The following SEL1L2 variants were observed in gnomAD, a reference collection of about 807,000 sequenced individuals.
SEL1L2 encodes protein sel-1 homolog 2.
SEL1L2 carries 89 observed loss-of-function variants against 98.8 expected under a neutral mutation model. The observed-to-expected ratio is 0.90, with a 90% CI of 0.76 to 1.07. The LOEUF (loss-of-function observed/expected upper bound fraction) is 1.07, where lower values mean the gene tolerates loss of function less well. Among genes scored for constraint, SEL1L2 ranks in the 50% least tolerant of loss-of-function variants. The pLI is 0.00. For missense variants in SEL1L2, 788 were observed against 812.0 expected (o/e 0.97, Z 0.36); for synonymous variants, 262 against 278.5 (o/e 0.94, Z 0.59).
intron 1 of SEL1L2, among the ~76,000 whole-genome samples, chr20:13,963,111 ACTCT>A (rs1569050285): frequency 7.0e-6 from 1 of 142,904 alleles, no homozygotes; most frequent in African/African-American, 2.5e-5. Context: ...ATAAAAAAAA[ACTCT>A]CTATTATAGT....
chr20:13,964,564 T>C (rs2050951619), intron 1 of SEL1L2, among the ~76,000 whole-genome samples: 1 of 149,460 alleles, frequency 6.7e-6, no homozygotes. Context: ...GCGATTCTCC[T>C]GCCTCAGCCT....
chr20:13,887,788 G>T lies in SEL1L2; in HGVS notation c.726C>A (p.Tyr242Ter). The change falls in exon 8 of 20, where the codon TAC becomes TAA. Residue 242 changes from tyrosine to a stop codon, truncating the protein, a stop_gained. Coordinates refer to ENST00000284951, the MANE Select transcript of SEL1L2 (RefSeq NM_025229.2). LOFTEE classifies it high-confidence loss of function. Reference sequence around the variant, plus strand: ...ACTTACTATAATCTGCCACTTTCTTGTAATAACTTAGGGCAACTTCACAAT... The same window carrying T: ...ACTTACTATAATCTGCCACTTTCTTTTAATAACTTAGGGCAACTTCACAAT... ...LQNCEVALSY[Y>*]KKVADYIADT... The T allele has an allele frequency of 1.9e-6, 3 of 1,610,804 alleles. No individual in the cohort carries two copies. Among genetic ancestry groups the T allele is most frequent in the Non-Finnish European group, 1.7e-6 (2 of 1,177,442 alleles).
chr20:13,880,883 A>G (rs2046669023), intron 10 of SEL1L2, among the ~76,000 whole-genome samples: 3 of 150,368 alleles, frequency 2.0e-5, no homozygotes, highest in Admixed American at 2.0e-4. Context: ...ATTTGGACCC[A>G]TATCTCTCTT....
intron 14 of SEL1L2, among the ~76,000 whole-genome samples, chr20:13,867,669 T>C (rs900078562): frequency 4.0e-5 from 6 of 151,052 alleles, no homozygotes; most frequent in African/African-American, 7.4e-5. Context: ...CCGGTAGATG[T>C]TGAGAGGGTC....
intron 10 of SEL1L2, among the ~76,000 whole-genome samples, chr20:13,878,611 A>G (rs2046547350): frequency 1.3e-5 from 2 of 152,222 alleles, no homozygotes; most frequent in Non-Finnish European, 2.9e-5. Context: ...GTTATTTTAC[A>G]TGGAAGTTTG....
chr20:13,935,661 A>G (rs927795160), intron 2 of SEL1L2, among the ~76,000 whole-genome samples: 2 of 152,104 alleles, frequency 1.3e-5, no homozygotes, highest in African/African-American at 4.8e-5. Context: ...TGAGGCAGAG[A>G]GGCAGCGCTG....
intron 18 of SEL1L2, 66 bp downstream of exon 18, chr20:13,859,196 A>G (rs1247242727): frequency 5.5e-6 from 8 of 1,458,228 alleles, no homozygotes; most frequent in Non-Finnish European, 7.7e-6. Flanking sequence ...AATTCAAAAC[A>G]TTTACACATT....
intron 1 of SEL1L2, among the ~76,000 whole-genome samples, chr20:13,968,755 G>A (rs182211119): frequency 3.8e-4 from 58 of 152,308 alleles, no homozygotes; most frequent in Admixed American, 3.3e-3. Flanking sequence ...CCCAAAATGA[G>A]AAAACATTCC....
chr20:13,859,459 G>T (rs769521847), intron 17 of SEL1L2, 25 bp from the exon 18 acceptor site: 11 of 1,586,300 alleles, frequency 6.9e-6, no homozygotes, highest in Non-Finnish European at 9.5e-6. Flanking sequence ...AGAGAAAAAA[G>T]AATCATAACT....
rs1568899104 is a variant in SEL1L2 at position 13,886,335 on chromosome 20, A to G, written c.853T>C (p.Tyr285His). The change falls in exon 9 of 20, where the codon TAC becomes CAC. Residue 285 changes from tyrosine (Y) to histidine (H), a missense_variant. By Grantham distance (83) the Tyr-to-His change is moderately conservative (BLOSUM62 2). Transcript: ENST00000284951. ...TCTGCCAAAAATTTATAGTATTGGT[A>G]TATGTCCCAATCCAAAATCTCACTG... ...SNSEILDWDI[Y>H]QYYKFLAERG... is the part of the protein sequence containing the mutation. The G allele has an allele frequency of 3.1e-6, 5 of 1,613,166 alleles. No individual in the cohort carries two copies. Among genetic ancestry groups the G allele is most frequent in the Non-Finnish European group, 3.4e-6 (4 of 1,179,142 alleles).
intron 2 of SEL1L2, among the ~76,000 whole-genome samples, chr20:13,951,711 G>T (rs1373059694): frequency 7.0e-6 from 1 of 142,920 alleles, no homozygotes; most frequent in Non-Finnish European, 1.5e-5. Context: ...TATCATGATT[G>T]TTTTTTAACA....
intron 18 of SEL1L2, among the ~76,000 whole-genome samples, chr20:13,857,580 C>T (rs1163127026): frequency 6.6e-6 from 1 of 152,158 alleles, no homozygotes; most frequent in Non-Finnish European, 1.5e-5. Context: ...CACCTAGGTG[C>T]GAATACAGCT....
chr20:13,894,983 A>G (rs1222028756), intron 5 of SEL1L2, among the ~76,000 whole-genome samples: 3 of 152,214 alleles, frequency 2.0e-5, no homozygotes, highest in African/African-American at 7.2e-5. Flanking sequence ...TCCTGATTCC[A>G]AAACTAGACA....
chr20:13,992,595 C>G (rs961784612), upstream of SEL1L2, among the ~76,000 whole-genome samples: 2 of 152,086 alleles, frequency 1.3e-5, no homozygotes, highest in Admixed American at 1.3e-4. Context: ...TGGTATGGAG[C>G]ATAGTATAAA....
At chr20:13,871,191 C>T (rs2046177858) in intron 12 of SEL1L2, among the ~76,000 whole-genome samples, 1 of 152,144 alleles carries the variant, frequency 6.6e-6, no homozygotes, top group South Asian at 2.1e-4. Context: ...CCAGCCACTA[C>T]AGATAGTAAA....
chr20:13,963,074 A>AAG lies in SEL1L2; in HGVS notation c.59-6944_59-6943insCT, dbSNP rs1403906678. Among the ~76,000 whole-genome samples the AAG allele has an allele frequency of 4.3e-5, 6 of 138,824 alleles. No homozygotes were observed. The South Asian group carries it at 1.5e-3, about 35-fold the overall frequency. 91.1% of individuals were successfully genotyped at this position (138,824 alleles called of 152,430 possible). A position where few individuals can be genotyped will look rare whatever the true frequency, so the allele number is the denominator to read the frequency against. On this transcript the variant is annotated intron_variant, in intron 1 of 19. Coordinates refer to ENST00000284951, the MANE Select transcript of SEL1L2 (RefSeq NM_025229.2). ...GAGCAAGACTCCATCTCAAAAAAAAAAAGAAGAGGAAGAAGAAGAAGAAAA... is the reference window on the plus strand; with the variant it reads ...GAGCAAGACTCCATCTCAAAAAAAAAAGAAGAAGAGGAAGAAGAAGAAGAAAA...
chr20:13,930,464 G>A (rs1446720180), intron 3 of SEL1L2, among the ~76,000 whole-genome samples: 1 of 152,152 alleles, frequency 6.6e-6, no homozygotes, highest in Non-Finnish European at 1.5e-5. Context: ...TCCTGTCTAC[G>A]CCTTTAGAAA....
At chr20:13,891,707 C>A (rs181893323) in intron 5 of SEL1L2, among the ~76,000 whole-genome samples, 77 of 148,506 alleles carry the variant, frequency 5.2e-4, no homozygotes, top group African/African-American at 1.7e-3. Context: ...AGCTGTCCAC[C>A]AAAAACACTA....
intron 5 of SEL1L2, among the ~76,000 whole-genome samples, chr20:13,889,067 T>G (rs1010301235): frequency 1.3e-5 from 2 of 151,898 alleles, no homozygotes; most frequent in African/African-American, 2.4e-5. Context: ...CAAGTGATTT[T>G]TCCTGCCTCA....
Sources: gnomAD v4.1 joint callset for allele counts (sites outside exome capture counted in the v4.1 genomes callset) on GRCh38, gnomAD v4.1.1 for gene constraint, MANE v1.5 for transcripts, NCBI Gene and HGNC (gene_info 2026-07-23, HGNC 2026-07-21) for gene names.